The following ANO4 variants were observed in gnomAD, a reference collection of about 807,000 sequenced individuals.
ANO4 encodes anoctamin 4.
In ANO4, 69 loss-of-function variants were observed where a neutral mutation model predicts 141.9. That is an observed-to-expected ratio of 0.49 (90% confidence interval 0.40 to 0.59). The LOEUF (loss-of-function observed/expected upper bound fraction) is 0.59, where lower values mean the gene tolerates loss of function less well. Among genes scored for constraint, ANO4 ranks in the 20% least tolerant of loss-of-function variants. The pLI, the probability that ANO4 is intolerant of heterozygous loss-of-function variation, is 0.00. For synonymous variants in ANO4, 350 were observed against 394.3 expected, an observed-to-expected ratio of 0.89 and a Z score of 1.33; for missense variants, 894 against 1,162.2, an observed-to-expected ratio of 0.77 and a Z score of 3.36.
intron 1 of ANO4, among the ~76,000 whole-genome samples, chr12:100,850,889 TC>T (rs1158423187): frequency 6.6e-6 from 1 of 152,166 alleles, no homozygotes. Flanking sequence ...ACATATTTTT[TC>T]AGGTTAAAAA....
intron 3 of ANO4, among the ~76,000 whole-genome samples, chr12:100,757,156 A>G (rs1287555379): frequency 2.0e-5 from 3 of 152,166 alleles, no homozygotes; most frequent in Non-Finnish European, 1.5e-5. Flanking sequence ...CCAAGACAGA[A>G]TCATAGGCTG....
intron 1 of ANO4, among the ~76,000 whole-genome samples, chr12:100,884,054 A>G (rs1048094190): frequency 1.7e-4 from 26 of 152,208 alleles, no homozygotes; most frequent in African/African-American, 5.3e-4. Flanking sequence ...CATAAATAAC[A>G]TATATGGGTT....
At chr12:100,852,216 AAC>A (rs747281738) in intron 1 of ANO4, 4 of 152,214 alleles carry the variant, frequency 2.6e-5, no homozygotes, top group Non-Finnish European at 5.9e-5. Flanking sequence ...CTTGCTTATA[AAC>A]TTGCTATAAT....
intron 3 of ANO4, among the ~76,000 whole-genome samples, chr12:100,788,922 G>T (rs996993998): frequency 1.3e-5 from 2 of 151,934 alleles, no homozygotes; most frequent in Admixed American, 1.3e-4. Flanking sequence ...TCAGGGAAGC[G>T]TTTCTGATAA....
At chr12:100,960,260 G>GCACACA (rs56705970) in intron 5 of ANO4, among the ~76,000 whole-genome samples, 115 of 149,994 alleles carry the variant, frequency 7.7e-4, no homozygotes, top group Admixed American at 2.5e-3. Context: ...TCACACACAC[G>GCACACA]CACACACACA....
At chr12:100,967,720 TAA>T (rs1342619978) in intron 5 of ANO4, among the ~76,000 whole-genome samples, 1 of 152,222 alleles carries the variant, frequency 6.6e-6, no homozygotes, top group African/African-American at 2.4e-5. Flanking sequence ...ATTAGTAACT[TAA>T]GTTTGCTTTA....
At chr12:100,842,058 T>TCCC (rs1390136625) in intron 1 of ANO4, 21 of 34,786 alleles carry the variant, frequency 6.0e-4, no homozygotes, top group Middle Eastern at 0.016. Flanking sequence ...CTGGTAAATA[T>TCCC]CCACCCCCCC....
At chr12:100,787,286 A>C (rs1237388496) in intron 3 of ANO4, among the ~76,000 whole-genome samples, 1 of 152,230 alleles carries the variant, frequency 6.6e-6, no homozygotes, top group African/African-American at 2.4e-5. Context: ...AGAATAAATA[A>C]GGATTCACAG....
rs565963970 is a variant in ANO4 at position 100,801,649 on chromosome 12, G to A, written c.-141+6622G>A. Among the ~76,000 whole-genome samples, 319 of 148,234 alleles carry A rather than the reference G, an allele frequency of 2.2e-3. 2 individuals carry two copies. The highest frequency in any genetic ancestry group is 3.7e-3 in the Non-Finnish European group (250 of 66,962). On this transcript the variant is annotated intron_variant, in intron 1 of 27. Transcript: ENST00000392977. The stretch of plus-strand genomic sequence containing the variant: ...TGTATACTTGCAGATAAGGCAGGGG[G>A]TAGAAAGGGCATTCTAGACAGAGGG...
chr12:101,022,356 T>C (rs892827385), intron 9 of ANO4, among the ~76,000 whole-genome samples: 1 of 152,198 alleles, frequency 6.6e-6, no homozygotes, highest in African/African-American at 2.4e-5. Context: ...ATGGCAACTA[T>C]TTTTGGAGTC....
chr12:100,865,222 G>A (rs1260070568), intron 1 of ANO4, among the ~76,000 whole-genome samples: 2 of 152,144 alleles, frequency 1.3e-5, no homozygotes, highest in Non-Finnish European at 2.9e-5. Context: ...CTTCCACAAT[G>A]GTTGAACTAA....
chr12:100,749,501 C>A (rs2032269885), intron 3 of ANO4, among the ~76,000 whole-genome samples: 1 of 152,180 alleles, frequency 6.6e-6, no homozygotes, highest in Admixed American at 6.5e-5. Context: ...AAGAACATTT[C>A]TTGTTGTTTA....
chr12:101,022,203 A>C (rs1418158948), intron 9 of ANO4, among the ~76,000 whole-genome samples: 1 of 152,224 alleles, frequency 6.6e-6, no homozygotes, highest in Non-Finnish European at 1.5e-5. Flanking sequence ...AACCTGATTT[A>C]GGTCTTTCTT....
At chr12:100,897,785 G>T (rs1015871933) in intron 1 of ANO4, among the ~76,000 whole-genome samples, 1 of 152,158 alleles carries the variant, frequency 6.6e-6, no homozygotes. Context: ...AGCTGATCAA[G>T]AATCAGGAGG....
rs12228906 is a variant in ANO4 at position 101,056,305 on chromosome 12, C to T, written c.1312+7904C>T. Among the ~76,000 whole-genome samples, 1,121 of 152,110 alleles carry T rather than the reference C, an allele frequency of 7.4e-3. 12 individuals are homozygous for T. The highest frequency in any genetic ancestry group is 0.022 in the African/African-American group (932 of 41,506). ...GTCTTATTATTTTCAATGTACAAGG[C>T]TTCCAGATATTTTGTTAAATTTATG... On this transcript the variant is annotated intron_variant, in intron 14 of 27. Transcript: ENST00000392977.
intron 1 of ANO4, among the ~76,000 whole-genome samples, chr12:100,867,407 C>A (rs1230556427): frequency 1.3e-5 from 2 of 152,156 alleles, no homozygotes; most frequent in East Asian, 3.8e-4. Context: ...TAGCCTGAGT[C>A]TGAGTCCAAA....
chr12:100,974,519 T>C (rs1020059853), intron 6 of ANO4, among the ~76,000 whole-genome samples: 1 of 152,130 alleles, frequency 6.6e-6, no homozygotes, highest in Non-Finnish European at 1.5e-5. Flanking sequence ...GGAAAAAAGC[T>C]GACCTCAGCT....
intron 1 of ANO4, among the ~76,000 whole-genome samples, chr12:100,882,731 C>T (rs1163935010): frequency 1.3e-5 from 2 of 152,014 alleles, no homozygotes; most frequent in African/African-American, 4.8e-5. Context: ...CAGAGTCTCT[C>T]TCTGTTCCCC....
intron 2 of ANO4, among the ~76,000 whole-genome samples, chr12:100,918,732 CAATT>C (rs1406635907): frequency 1.4e-4 from 22 of 152,010 alleles, no homozygotes; most frequent in Admixed American, 7.9e-4. Flanking sequence ...TAATACTTGA[CAATT>C]AAACTACTAT....
Sources: allele counts gnomAD v4.1 joint callset (sites outside exome capture counted in the v4.1 genomes callset), GRCh38; gene constraint gnomAD v4.1.1; transcripts MANE v1.5; gene names NCBI Gene and HGNC (gene_info 2026-07-23, HGNC 2026-07-21).